IHO1: variants seen among roughly 807,000 people sequenced by gnomAD.
IHO1 encodes the protein interactor of HORMAD1 1, also known as interactor of HORMAD1 protein 1.
In IHO1, 13 loss-of-function variants were observed where a neutral mutation model predicts 31.0. That is an observed-to-expected ratio of 0.42 (90% CI 0.27 to 0.67). IHO1 has a LOEUF of 0.67. Ranked by LOEUF, IHO1 falls within the 30% of genes least tolerant of loss-of-function variation. IHO1 has a pLI of 0.24. For synonymous variants in IHO1, 221 were observed against 248.4 expected (o/e 0.89, Z 1.04); for missense variants, 599 against 687.5 (o/e 0.87, Z 1.44).
At chr3:49,225,692 A>T (rs943269204) in intron 2 of IHO1, among the ~76,000 whole-genome samples, 1 of 152,226 alleles carries the variant, frequency 6.6e-6, no homozygotes, top group Non-Finnish European at 1.5e-5. Flanking sequence ...ACATGTGAAA[A>T]GAGCAAAGTC....
chr3:49,240,505 T>G (rs1244260737), intron 3 of IHO1, among the ~76,000 whole-genome samples: 1 of 152,144 alleles, frequency 6.6e-6, no homozygotes, highest in Non-Finnish European at 1.5e-5. Context: ...ATTACAGGCA[T>G]GAGCCACCAC....
chr3:49,255,490 AGC>A lies in IHO1; in HGVS notation c.634_635del (p.Ala212Ter). On this transcript the variant is annotated frameshift_variant and splice_region_variant, in exon 7 of 8. Coordinates refer to ENST00000452691, the MANE Select transcript of IHO1 (RefSeq NM_001135197.2). LOFTEE classifies it low-confidence loss of function (END_TRUNC). ...TCCTTGAGATGAAGAAAAGATTTGAAGCTGTAAGTGTAAACCCCAACCTCTTT... is the reference window on the plus strand; with the variant it reads ...TCCTTGAGATGAAGAAAAGATTTGAATGTAAGTGTAAACCCCAACCTCTTT... ...AILEMKKRFE[A>X]RQGEFIEMKS... is the part of the protein sequence containing the mutation. 1 of 1,595,654 alleles carries A rather than the reference AGC, an allele frequency of 6.3e-7. No individual in the cohort carries two copies. The highest frequency in any genetic ancestry group is 8.5e-7 in the Non-Finnish European group (1 of 1,173,530).
chr3:49,245,188 A>ATT (rs146992633), intron 6 of IHO1: 159 of 177,246 alleles, frequency 9.0e-4, no homozygotes, highest in Non-Finnish European at 1.2e-3. Flanking sequence ...ATCATTCTCA[A>ATT]TTTTTTTTTT....
At chr3:49,205,617 CAG>C (rs1393934999) in intron 1 of IHO1, among the ~76,000 whole-genome samples, 24 of 147,604 alleles carry the variant, frequency 1.6e-4, no homozygotes, top group Admixed American at 1.4e-3. Flanking sequence ...TTTTTTGAGA[CAG>C]AGTTTGCTCT....
intron 6 of IHO1, among the ~76,000 whole-genome samples, chr3:49,250,383 C>T (rs1160649323): frequency 6.6e-6 from 1 of 152,122 alleles, no homozygotes; most frequent in Admixed American, 6.6e-5. Flanking sequence ...AGAGAAGACG[C>T]CAAACATATG....
rs750190653 is a variant in IHO1, at chr3:49,210,545, C to T, written c.-15-1221C>T. Among the ~76,000 whole-genome samples the T allele has an allele frequency of 1.5e-4, 22 of 151,436 alleles. No homozygotes were observed. The South Asian group carries it at 1.9e-3, about 13-fold the overall frequency. ...CTGAGTAGCTGGGATTACAGGCACC[C>T]GCCACCACACCCAGCTAATTTTTTT... On this transcript the variant is annotated intron_variant, in intron 1 of 7. Transcript: ENST00000452691.
At chr3:49,212,272 C>T (rs2046230183) in intron 2 of IHO1, among the ~76,000 whole-genome samples, 1 of 151,754 alleles carries the variant, frequency 6.6e-6, no homozygotes, top group Non-Finnish European at 1.5e-5. Context: ...TTTGAGAGGC[C>T]CAGGTGGGTG....
intron 1 of IHO1, among the ~76,000 whole-genome samples, chr3:49,206,815 C>G (rs1460060719): frequency 1.3e-5 from 2 of 151,884 alleles, no homozygotes; most frequent in Non-Finnish European, 2.9e-5. Flanking sequence ...GGTGGATCAC[C>G]TGAGGTCAGA....
At chr3:49,195,962 G>C (rs1436560838), upstream of IHO1, among the ~76,000 whole-genome samples, 1 of 151,462 alleles carries the variant, frequency 6.6e-6, no homozygotes, top group Admixed American at 6.6e-5. Flanking sequence ...CAGGCCAGGT[G>C]TGGGGGCTCA....
chr3:49,247,477 CTGTT>C (rs2046709074), intron 6 of IHO1, among the ~76,000 whole-genome samples: 1 of 150,728 alleles, frequency 6.6e-6, no homozygotes, highest in African/African-American at 2.4e-5. Flanking sequence ...GGTGATCAGC[CTGTT>C]TCGGCCTCCC....
intron 7 of IHO1, 70 bp downstream of exon 7, chr3:49,255,563 T>C (rs1021076675): frequency 5.8e-6 from 5 of 856,280 alleles, no homozygotes; most frequent in Non-Finnish European, 8.5e-6. Context: ...AGAAACTTTT[T>C]TTTTTTTTTT....
chr3:49,228,357 C>T, intron 2 of IHO1: 1 of 448,052 alleles, frequency 2.2e-6, no homozygotes, highest in Non-Finnish European at 4.5e-6. Context: ...GTTAGAGAGC[C>T]CTTTCCTAGA....
intron 2 of IHO1, among the ~76,000 whole-genome samples, chr3:49,216,765 A>G (rs1403926531): frequency 6.6e-6 from 1 of 152,254 alleles, no homozygotes; most frequent in African/African-American, 2.4e-5. Flanking sequence ...GCTAATATCC[A>G]GAATCTACAA....
At chr3:49,214,491 C>T (rs765528380) in intron 2 of IHO1, among the ~76,000 whole-genome samples, 1 of 148,138 alleles carries the variant, frequency 6.8e-6, no homozygotes, top group African/African-American at 2.5e-5. Flanking sequence ...CTCTTTAACA[C>T]CTTCCTGAAG....
intron 6 of IHO1, among the ~76,000 whole-genome samples, chr3:49,253,982 C>T (rs542234180): frequency 6.3e-4 from 95 of 151,884 alleles, no homozygotes; most frequent in African/African-American, 2.1e-3. Context: ...TACAGGCACC[C>T]GCCGCCACGC....
chr3:49,228,456 A>G (rs1476328711), intron 2 of IHO1: 1 of 356,746 alleles, frequency 2.8e-6, no homozygotes, highest in Non-Finnish European at 5.6e-6. Flanking sequence ...CCTGAATTCT[A>G]AGGAAAAATA....
At chr3:49,255,530 T>G in intron 7 of IHO1, 37 bp downstream of exon 7, 2 of 1,401,188 alleles carry the variant, frequency 1.4e-6, no homozygotes, top group Non-Finnish European at 2.0e-6. Context: ...AAGTGTGTTT[T>G]GGGCTTTGAA....
At chr3:49,221,418 G>A (rs2046354567) in intron 2 of IHO1, among the ~76,000 whole-genome samples, 1 of 152,218 alleles carries the variant, frequency 6.6e-6, no homozygotes, top group African/African-American at 2.4e-5. Context: ...TAGACACAGA[G>A]CGCTGATTGG....
intron 6 of IHO1, among the ~76,000 whole-genome samples, chr3:49,254,527 G>A (rs370639276): frequency 1.3e-5 from 2 of 151,618 alleles, no homozygotes; most frequent in South Asian, 2.1e-4. Context: ...GCTGAAAGTA[G>A]AAGGAAGAAT....
Sources: allele counts gnomAD v4.1 joint callset (sites outside exome capture counted in the v4.1 genomes callset), GRCh38; gene constraint gnomAD v4.1.1; transcripts MANE v1.5; gene names NCBI Gene and HGNC (gene_info 2026-07-23, HGNC 2026-07-21).